SLC49A4: variants seen among roughly 807,000 people sequenced by gnomAD.
SLC49A4 encodes the protein disrupted in renal cancer protein 2.
A neutral mutation model predicts 50.6 loss-of-function variants in SLC49A4; 36 were observed. That is an observed-to-expected ratio of 0.71 (90% CI 0.55 to 0.94). The LOEUF is 0.94. Ranked by LOEUF, SLC49A4 falls within the 40% of genes least tolerant of loss-of-function variation. The pLI, the probability that SLC49A4 is intolerant of heterozygous loss-of-function variation, is 0.00. For missense variants in SLC49A4, 503 were observed against 605.7 expected (o/e 0.83, Z 1.78); for synonymous variants, 248 against 241.2 (o/e 1.03, Z -0.26).
chr3:122,800,160 T>C (rs1166632813), intron 1 of SLC49A4, among the ~76,000 whole-genome samples: 3 of 152,190 alleles, frequency 2.0e-5, no homozygotes, highest in Non-Finnish European at 4.4e-5. Flanking sequence ...AAAAAGTGTC[T>C]TGTGGCTGGG....
chr3:122,841,356 A>G (rs959624767), intron 4 of SLC49A4, among the ~76,000 whole-genome samples: 2 of 152,328 alleles, frequency 1.3e-5, no homozygotes, highest in South Asian at 4.1e-4. Context: ...GAAATATTCA[A>G]ATACACAAAT....
At chr3:122,838,368 A>G (rs1356923799) in intron 4 of SLC49A4, among the ~76,000 whole-genome samples, 2 of 152,180 alleles carry the variant, frequency 1.3e-5, no homozygotes, top group Non-Finnish European at 1.5e-5. Flanking sequence ...ATGGAATACT[A>G]TGCAGCCATA....
intron 4 of SLC49A4, among the ~76,000 whole-genome samples, chr3:122,841,549 C>A (rs779929396): frequency 2.0e-5 from 3 of 152,126 alleles, no homozygotes; most frequent in Non-Finnish European, 4.4e-5. Flanking sequence ...AACAGAGTTA[C>A]GTTTAATGGA....
intron 2 of SLC49A4, among the ~76,000 whole-genome samples, chr3:122,812,995 A>C (rs1392840854): frequency 1.3e-5 from 2 of 152,220 alleles, no homozygotes; most frequent in Non-Finnish European, 2.9e-5. Flanking sequence ...TGCCTTTATA[A>C]TCCCAGTACT....
intron 1 of SLC49A4, 120 bp from the exon 2 acceptor site, chr3:122,806,737 T>C: frequency 1.6e-6 from 1 of 627,828 alleles, no homozygotes; most frequent in South Asian, 1.8e-5. Context: ...TTTAAAGTTA[T>C]ACAGAAAAGC....
At chr3:122,826,678 A>G in intron 2 of SLC49A4, 122 bp from the exon 3 acceptor site, 1 of 972,622 alleles carries the variant, frequency 1.0e-6, no homozygotes, top group Non-Finnish European at 1.5e-6. Context: ...TAGGCATGTC[A>G]TATTCTTTAC....
chr3:122,795,876 G>C (rs984712617), intron 1 of SLC49A4, among the ~76,000 whole-genome samples: 1 of 152,190 alleles, frequency 6.6e-6, no homozygotes, highest in Non-Finnish European at 1.5e-5. Flanking sequence ...AAAAATGACT[G>C]ATGCTTTGAC....
At chr3:122,798,822 A>G (rs1936089862) in intron 1 of SLC49A4, among the ~76,000 whole-genome samples, 2 of 151,584 alleles carry the variant, frequency 1.3e-5, no homozygotes, top group African/African-American at 4.9e-5. Context: ...TATTTTTTGC[A>G]GAGACAGGGT....
chr3:122,875,025 G>A (rs1048333096), intron 8 of SLC49A4, among the ~76,000 whole-genome samples: 1 of 152,186 alleles, frequency 6.6e-6, no homozygotes, highest in African/African-American at 2.4e-5. Flanking sequence ...AAAGTTACTA[G>A]AACCATGAAA....
chr3:122,880,574 C>T lies in SLC49A4; in HGVS notation c.*1196C>T, dbSNP rs1408723855. 3.3e-5 allele frequency: 5 copies of T among 152,182 alleles called. No homozygotes were observed. The highest frequency in any genetic ancestry group is 2.0e-4 in the Admixed American group (3 of 15,276). 9.4% of individuals were successfully genotyped at this position (152,182 alleles called of 1,614,324 possible). ...CATCATTCCCCTCACACAGAAAAAC[C>T]AACCCTTTTCCCAAAAAGTCAAGAA... On this transcript the variant is annotated 3_prime_UTR_variant, in exon 9 of 9. Coordinates refer to ENST00000261038, the MANE Select transcript of SLC49A4 (RefSeq NM_032839.3).
chr3:122,850,700 G>A (rs906845018), intron 5 of SLC49A4, among the ~76,000 whole-genome samples: 1 of 152,074 alleles, frequency 6.6e-6, no homozygotes, highest in Non-Finnish European at 1.5e-5. Context: ...TAGAGATGAA[G>A]TCTCTATGTT....
At chr3:122,838,969 C>T (rs1279465300) in intron 4 of SLC49A4, among the ~76,000 whole-genome samples, 1 of 152,118 alleles carries the variant, frequency 6.6e-6, no homozygotes, top group African/African-American at 2.4e-5. Context: ...GGAGGCATCA[C>T]ATTACCTGAC....
chr3:122,838,465 C>G (rs1166733447), intron 4 of SLC49A4, among the ~76,000 whole-genome samples: 2 of 149,508 alleles, frequency 1.3e-5, no homozygotes, highest in Admixed American at 6.8e-5. Context: ...GACAAAAAAC[C>G]AAACACCGCA....
At chr3:122,844,545 G>T (rs1339439877) in intron 4 of SLC49A4, among the ~76,000 whole-genome samples, 1 of 152,162 alleles carries the variant, frequency 6.6e-6, no homozygotes, top group Admixed American at 6.5e-5. Flanking sequence ...ACTTTGGGAG[G>T]CCAAGGTGGG....
At chr3:122,813,650 G>C (rs534426643) in intron 2 of SLC49A4, among the ~76,000 whole-genome samples, 26 of 152,214 alleles carry the variant, frequency 1.7e-4, no homozygotes, top group African/African-American at 6.0e-4. Flanking sequence ...ATAAGGATTT[G>C]CCTTAGATTT....
chr3:122,818,290 G>A (rs1936405065), intron 2 of SLC49A4, among the ~76,000 whole-genome samples: 1 of 152,160 alleles, frequency 6.6e-6, no homozygotes, highest in African/African-American at 2.4e-5. Context: ...TGTATATTCA[G>A]TATGGTATCT....
intron 4 of SLC49A4, among the ~76,000 whole-genome samples, chr3:122,834,881 A>G (rs1936657314): frequency 6.6e-6 from 1 of 152,174 alleles, no homozygotes. Context: ...TACAGTCAAT[A>G]CCACAGAAAT....
At chr3:122,841,759 A>C (rs1936773089) in intron 4 of SLC49A4, among the ~76,000 whole-genome samples, 2 of 152,246 alleles carry the variant, frequency 1.3e-5, no homozygotes, top group African/African-American at 4.8e-5. Flanking sequence ...AATAAAATAG[A>C]ATAGAAAATA....
chr3:122,811,382 C>A (rs997568214), intron 2 of SLC49A4, among the ~76,000 whole-genome samples: 5 of 152,074 alleles, frequency 3.3e-5, no homozygotes, highest in Non-Finnish European at 7.4e-5. Context: ...ATTAAAATAG[C>A]AGACAGATGT....
Sources: allele counts gnomAD v4.1 joint callset (sites outside exome capture counted in the v4.1 genomes callset), GRCh38; gene constraint gnomAD v4.1.1; transcripts MANE v1.5; gene names NCBI Gene and HGNC (gene_info 2026-07-23, HGNC 2026-07-21).